KCNQ5: variants seen among roughly 807,000 people sequenced by gnomAD.
KCNQ5 encodes the protein potassium voltage-gated channel subfamily Q member 5.
KCNQ5 carries 30 observed loss-of-function variants against 98.2 expected under a neutral mutation model. That is an observed-to-expected ratio of 0.31 (90% CI 0.23 to 0.41). KCNQ5 has a LOEUF of 0.41. Ranked by LOEUF, KCNQ5 falls within the 10% of genes least tolerant of loss-of-function variation. The pLI, the probability that KCNQ5 is intolerant of heterozygous loss-of-function variation, is 1.00. For synonymous variants in KCNQ5, 458 were observed against 449.4 expected, an observed-to-expected ratio of 1.02 and a Z score of -0.24; for missense variants, 835 against 1,182.5, an observed-to-expected ratio of 0.71 and a Z score of 4.31.
chr6:72,796,309 G>A (rs890242511), intron 1 of KCNQ5, among the ~76,000 whole-genome samples: 12 of 152,110 alleles, frequency 7.9e-5, no homozygotes, highest in African/African-American at 2.9e-4. Flanking sequence ...GTCATTGTCA[G>A]TTTGAGTTTA....
At chr6:72,677,304 T>A (rs1767463718) in intron 1 of KCNQ5, 1 of 152,214 alleles carries the variant, frequency 6.6e-6, no homozygotes, top group Non-Finnish European at 1.5e-5. Context: ...ATTGATTATC[T>A]TTAGGGAATG....
chr6:72,916,484 T>G (rs1780143420), intron 1 of KCNQ5, among the ~76,000 whole-genome samples: 1 of 152,190 alleles, frequency 6.6e-6, no homozygotes, highest in Non-Finnish European at 1.5e-5. Flanking sequence ...TACTATGAGA[T>G]GACAACTCAC....
intron 1 of KCNQ5, among the ~76,000 whole-genome samples, chr6:72,717,408 T>C (rs1002124012): frequency 2.0e-5 from 3 of 152,246 alleles, no homozygotes; most frequent in East Asian, 3.8e-4. Context: ...AAACATACTG[T>C]ATTTCATAAA....
chr6:73,076,983 T>C (rs1438721481), intron 3 of KCNQ5, among the ~76,000 whole-genome samples: 1 of 152,200 alleles, frequency 6.6e-6, no homozygotes. Flanking sequence ...TGTGAAAGGT[T>C]GCCCCAAAGT....
In KCNQ5 at chr6:72,667,891, T is replaced by G. The variant is rs79570155; in HGVS notation, c.398+45304T>G. 9.3e-3 allele frequency among the ~76,000 whole-genome samples: 1,422 copies of G among 152,232 alleles called. 12 individuals are homozygous for G. Among genetic ancestry groups the G allele is most frequent in the East Asian group, 0.02 (103 of 5,184 alleles). On this transcript the variant is annotated intron_variant, in intron 1 of 13. Coordinates refer to ENST00000370398, the MANE Select transcript of KCNQ5 (RefSeq NM_019842.4). The stretch of plus-strand genomic sequence containing the variant: ...TAACTGACCAATAATCTTCAAAAAT[T>G]TCAAGGTCATGAAAGGCAAGGAAAG...
chr6:72,630,719 CAGTT>C (rs1179707937), intron 1 of KCNQ5: 10 of 152,022 alleles, frequency 6.6e-5, no homozygotes, highest in Non-Finnish European at 8.8e-5. Flanking sequence ...TACATATTAA[CAGTT>C]AGCATGGTGG....
chr6:73,113,419 T>C (rs552815632), intron 7 of KCNQ5, among the ~76,000 whole-genome samples: 16 of 152,224 alleles, frequency 1.1e-4, no homozygotes, highest in Admixed American at 3.9e-4. Flanking sequence ...CTCATGCACA[T>C]ATCAATTGTG....
intron 1 of KCNQ5, among the ~76,000 whole-genome samples, chr6:72,787,439 G>A (rs1043389205): frequency 1.3e-5 from 2 of 152,072 alleles, no homozygotes; most frequent in African/African-American, 4.8e-5. Context: ...TGTTATGTAT[G>A]TGAATCACTT....
At chr6:73,073,556 G>A (rs1414453647) in intron 3 of KCNQ5, among the ~76,000 whole-genome samples, 1 of 152,212 alleles carries the variant, frequency 6.6e-6, no homozygotes, top group East Asian at 1.9e-4. Context: ...AATCATTGAT[G>A]TATATAAAAC....
chr6:72,770,945 A>T (rs1772839049), intron 1 of KCNQ5, among the ~76,000 whole-genome samples: 1 of 152,110 alleles, frequency 6.6e-6, no homozygotes, highest in Non-Finnish European at 1.5e-5. Flanking sequence ...TGGCTTTCAC[A>T]TTTAGAGAGA....
intron 1 of KCNQ5, among the ~76,000 whole-genome samples, chr6:72,818,209 G>T (rs957968858): frequency 8.5e-5 from 13 of 152,048 alleles, no homozygotes; most frequent in Admixed American, 7.2e-4. Flanking sequence ...TGTGAAGAAA[G>T]GCTGATTAAT....
chr6:73,081,322 T>C (rs1582317484), intron 5 of KCNQ5, among the ~76,000 whole-genome samples: 1 of 152,184 alleles, frequency 6.6e-6, no homozygotes, highest in African/African-American at 2.4e-5. Flanking sequence ...TGGATAGAGC[T>C]CCATTTATTA....
At chr6:72,735,688 T>TA (rs1384990854) in intron 1 of KCNQ5, among the ~76,000 whole-genome samples, 2 of 152,082 alleles carry the variant, frequency 1.3e-5, no homozygotes, top group African/African-American at 4.8e-5. Context: ...TTCAGATTAC[T>TA]ATTGGTGACT....
intron 10 of KCNQ5, among the ~76,000 whole-genome samples, chr6:73,156,873 T>C (rs1022249662): frequency 6.6e-6 from 1 of 152,118 alleles, no homozygotes; most frequent in African/African-American, 2.4e-5. Context: ...TGTTGGCGCA[T>C]CCGAGGAGAT....
intron 1 of KCNQ5, among the ~76,000 whole-genome samples, chr6:72,747,240 A>G (rs1422398428): frequency 6.6e-6 from 1 of 152,188 alleles, no homozygotes; most frequent in Non-Finnish European, 1.5e-5. Flanking sequence ...TCTCAAATAT[A>G]ATTTATACTT....
At chr6:73,039,589 A>C (rs1036165208) in intron 2 of KCNQ5, among the ~76,000 whole-genome samples, 5 of 151,966 alleles carry the variant, frequency 3.3e-5, no homozygotes, top group Admixed American at 3.3e-4. Context: ...GACTACTGGG[A>C]ATATTGTTTA....
At chr6:72,779,821 CTGTGTGTGTGTGTGTGTGTGTGTGTG>C (rs35526812) in intron 1 of KCNQ5, among the ~76,000 whole-genome samples, 69 of 124,926 alleles carry the variant, frequency 5.5e-4, no homozygotes, top group Non-Finnish European at 8.8e-4. Context: ...ATTTAATTTT[CTGTGTGTGTGTGTGTGTGTGTGTGTG>C]TGTGTGTGTG....
intron 1 of KCNQ5, among the ~76,000 whole-genome samples, chr6:72,860,857 G>A (rs940082384): frequency 4.0e-5 from 6 of 149,778 alleles, no homozygotes; most frequent in African/African-American, 1.5e-4. Flanking sequence ...GTGTGTGTAT[G>A]TGTGTGTGTG....
chr6:72,741,075 C>T lies in KCNQ5; in HGVS notation c.398+118488C>T, dbSNP rs1221067330. Among the ~76,000 whole-genome samples the T allele has an allele frequency of 2.0e-5, 3 of 152,134 alleles. No homozygotes were observed. In the South Asian group the frequency reaches 6.2e-4, roughly 31 times the overall value. ...AGGGAAGAGAGTGCAGATGAGAATTCAGGTGAAGTCAATGATGTCTTGCCC... is the reference window on the plus strand; with the variant it reads ...AGGGAAGAGAGTGCAGATGAGAATTTAGGTGAAGTCAATGATGTCTTGCCC... On this transcript the variant is annotated intron_variant, in intron 1 of 13. Coordinates refer to ENST00000370398, the MANE Select transcript of KCNQ5 (RefSeq NM_019842.4).
Sources: allele counts gnomAD v4.1 joint callset (sites outside exome capture counted in the v4.1 genomes callset), GRCh38; gene constraint gnomAD v4.1.1; transcripts MANE v1.5; gene names NCBI Gene and HGNC (gene_info 2026-07-23, HGNC 2026-07-21).